Variants in NXPE2 observed in about 807,000 individuals in gnomAD.
NXPE2 encodes the protein neurexophilin and PC-esterase domain family member 2, also known as NXPE family member 2.
Under a neutral mutation model 34.4 loss-of-function variants are expected in NXPE2, and 34 were observed. That is an observed-to-expected ratio of 0.99 (90% CI 0.75 to 1.31). The LOEUF is 1.31. Among genes scored for constraint, NXPE2 ranks in the 40% most tolerant of loss-of-function variants. NXPE2 has a pLI of 0.00. For synonymous variants in NXPE2, 235 were observed against 231.3 expected (o/e 1.02, Z -0.15); for missense variants, 649 against 672.5 (o/e 0.97, Z 0.39).
the NXPE2 span, chr11:114,570,932 T>C: frequency 6.4e-7 from 1 of 1,550,592 alleles, no homozygotes; most frequent in Admixed American, 1.8e-5. Context: ...CAGACTTTTG[T>C]GTTATTTAAC....
At chr11:114,572,188 A>C in the NXPE2 span, among the ~76,000 whole-genome samples, 1 of 152,294 alleles carries the variant, frequency 6.6e-6, no homozygotes, top group Non-Finnish European at 1.5e-5. Flanking sequence ...ACATCAAGGG[A>C]GCACCCTGTG....
the NXPE2 span, among the ~76,000 whole-genome samples, chr11:114,762,759 C>A: frequency 6.6e-6 from 1 of 152,098 alleles, no homozygotes; most frequent in African/African-American, 2.4e-5. Flanking sequence ...AGGTCATTTC[C>A]CAATATTTGT....
At chr11:114,688,589 T>C (rs1018792709) in intron 2 of NXPE2, among the ~76,000 whole-genome samples, 1 of 152,138 alleles carries the variant, frequency 6.6e-6, no homozygotes, top group South Asian at 2.1e-4. Flanking sequence ...ATCAGAATGA[T>C]ACTGGTTTTG....
At chr11:114,702,896 T>C (rs932640056) in intron 3 of NXPE2, among the ~76,000 whole-genome samples, 1 of 152,136 alleles carries the variant, frequency 6.6e-6, no homozygotes, top group African/African-American at 2.4e-5. Context: ...TTCTTCTCAA[T>C]CTTAGAAAGG....
chr11:114,725,043 A>T, the NXPE2 span, among the ~76,000 whole-genome samples: 1 of 151,906 alleles, frequency 6.6e-6, no homozygotes, highest in Non-Finnish European at 1.5e-5. Flanking sequence ...TCCATGGTTC[A>T]TAAAAGTATA....
At chr11:114,517,327 C>T in the NXPE2 span, among the ~76,000 whole-genome samples, 1 of 152,196 alleles carries the variant, frequency 6.6e-6, no homozygotes, top group African/African-American at 2.4e-5. Flanking sequence ...CCACATCCCT[C>T]CTCCCTTACC....
At chr11:114,522,314 G>T in the NXPE2 span, 2 of 1,614,050 alleles carry the variant, frequency 1.2e-6, no homozygotes, top group Non-Finnish European at 1.7e-6. Context: ...GATGACGATG[G>T]CTGTGTTTTT....
the NXPE2 span, among the ~76,000 whole-genome samples, chr11:114,734,902 A>T: frequency 6.6e-6 from 1 of 152,238 alleles, no homozygotes; most frequent in Middle Eastern, 3.4e-3. Context: ...AGGTCAGGAG[A>T]TCAAAACCAT....
At chr11:114,596,961 T>A in the NXPE2 span, among the ~76,000 whole-genome samples, 1 of 152,344 alleles carries the variant, frequency 6.6e-6, no homozygotes, top group East Asian at 1.9e-4. Flanking sequence ...GAAACAGGGC[T>A]GAATCCAAGA....
the NXPE2 span, among the ~76,000 whole-genome samples, chr11:114,577,016 T>TATATATAC: frequency 2.8e-5 from 2 of 72,224 alleles, no homozygotes; most frequent in Non-Finnish European, 5.1e-5. Context: ...AAGTTATATA[T>TATATATAC]ATATATATAT....
chr11:114,655,921 T>C, the NXPE2 span, among the ~76,000 whole-genome samples: 1 of 152,190 alleles, frequency 6.6e-6, no homozygotes, highest in African/African-American at 2.4e-5. Context: ...TTGGAACTTC[T>C]GGCTAGGGCA....
chr11:114,645,194 C>A, the NXPE2 span, among the ~76,000 whole-genome samples: 2 of 151,898 alleles, frequency 1.3e-5, no homozygotes, highest in Non-Finnish European at 2.9e-5. Context: ...CTCAGCTACA[C>A]AGAGGCTGAG....
intron 2 of NXPE2, among the ~76,000 whole-genome samples, chr11:114,695,370 C>T (rs966101969): frequency 6.6e-6 from 1 of 152,140 alleles, no homozygotes; most frequent in Middle Eastern, 3.2e-3. Context: ...TCGTGACCTT[C>T]ACAAGTGCTT....
chr11:114,752,058 T>A, the NXPE2 span, among the ~76,000 whole-genome samples: 1 of 152,210 alleles, frequency 6.6e-6, no homozygotes, highest in African/African-American at 2.4e-5. Flanking sequence ...AGATAATAAA[T>A]TTGTGCTGTT....
chr11:114,525,860 T>G, the NXPE2 span, among the ~76,000 whole-genome samples: 1 of 152,212 alleles, frequency 6.6e-6, no homozygotes, highest in African/African-American at 2.4e-5. Flanking sequence ...CCTTTGGAAG[T>G]TAATCCACTG....
the NXPE2 span, among the ~76,000 whole-genome samples, chr11:114,805,946 A>G: frequency 6.6e-6 from 1 of 152,316 alleles, no homozygotes; most frequent in South Asian, 2.1e-4. Context: ...GGCACCCCTC[A>G]GTAGGGGCAG....
At chr11:114,682,095 A>G (rs1376506072) in intron 2 of NXPE2, among the ~76,000 whole-genome samples, 1 of 152,224 alleles carries the variant, frequency 6.6e-6, no homozygotes, top group Admixed American at 6.5e-5. Context: ...TTTCCAAACA[A>G]TAAGCCCTAA....
At chr11:114,544,594 C>A in the NXPE2 span, among the ~76,000 whole-genome samples, 7 of 151,980 alleles carry the variant, frequency 4.6e-5, no homozygotes, top group Middle Eastern at 3.2e-3. Context: ...GATGACAGAC[C>A]TAAATAAATA....
the NXPE2 span, among the ~76,000 whole-genome samples, chr11:114,800,344 T>C: frequency 1.3e-5 from 2 of 152,218 alleles, no homozygotes; most frequent in Non-Finnish European, 2.9e-5. Context: ...AACATCACTG[T>C]GAGATGCTTG....
Sources: allele counts gnomAD v4.1 joint callset (sites outside exome capture counted in the v4.1 genomes callset), GRCh38; gene constraint gnomAD v4.1.1; transcripts MANE v1.5; gene names NCBI Gene and HGNC (gene_info 2026-07-23, HGNC 2026-07-21).